The following KLHL32 variants were observed in gnomAD, a reference collection of about 807,000 sequenced individuals.
KLHL32 encodes the protein kelch-like protein 32.
A neutral mutation model predicts 64.8 loss-of-function variants in KLHL32; 35 were observed. The observed-to-expected ratio is 0.54, with a 90% confidence interval of 0.41 to 0.72. The LOEUF (loss-of-function observed/expected upper bound fraction) is 0.72. Among genes scored for constraint, KLHL32 ranks in the 30% least tolerant of loss-of-function variants. KLHL32 has a pLI of 0.00. For synonymous variants in KLHL32, 259 were observed against 281.0 expected (o/e 0.92, Z 0.78); for missense variants, 589 against 768.5 (o/e 0.77, Z 2.76).
intron 3 of KLHL32, among the ~76,000 whole-genome samples, chr6:96,985,922 G>A (rs1312138294): frequency 6.6e-6 from 1 of 152,194 alleles, no homozygotes; most frequent in Non-Finnish European, 1.5e-5. Flanking sequence ...GTGAGGAGCT[G>A]TGTCCTTTGG....
chr6:96,936,409 AT>A (rs1209240714), intron 1 of KLHL32, among the ~76,000 whole-genome samples: 1 of 152,080 alleles, frequency 6.6e-6, no homozygotes, highest in African/African-American at 2.4e-5. Flanking sequence ...ATGCTTTACA[AT>A]TTTTTTTCCT....
intron 3 of KLHL32, among the ~76,000 whole-genome samples, chr6:96,977,661 C>G (rs1315603862): frequency 6.6e-6 from 1 of 152,086 alleles, no homozygotes; most frequent in Non-Finnish European, 1.5e-5. Flanking sequence ...TTGAATATTT[C>G]TAATAATACT....
intron 5 of KLHL32, among the ~76,000 whole-genome samples, chr6:97,069,199 A>T (rs181411385): frequency 1.3e-5 from 2 of 152,128 alleles, no homozygotes; most frequent in African/African-American, 4.8e-5. Flanking sequence ...ACATAAAGGG[A>T]ACAGGAGGGA....
At chr6:97,071,865 GTCTAATGCTAATCAACACTGGACAA>G (rs1410171559) in intron 5 of KLHL32, among the ~76,000 whole-genome samples, 3 of 152,186 alleles carry the variant, frequency 2.0e-5, no homozygotes, top group African/African-American at 7.2e-5. Context: ...CCTGCCTGTA[GTCTAATGCTAATCAACACTGGACAA>G]TCTAAGTTAT....
At chr6:96,953,211 A>C (rs969341045) in intron 1 of KLHL32, among the ~76,000 whole-genome samples, 1 of 152,254 alleles carries the variant, frequency 6.6e-6, no homozygotes, top group African/African-American at 2.4e-5. Context: ...TGTTTCCAAG[A>C]ATCTATCAAT....
rs1353983342 is a variant in KLHL32, at chr6:97,113,857, C to T, written c.702C>T (p.Gly234=). 2 of 1,613,992 alleles carry T rather than the reference C, an allele frequency of 1.2e-6. No individual in the cohort carries two copies. Among genetic ancestry groups the T allele is most frequent in the African/African-American group, 1.3e-5 (1 of 74,912 alleles). The change falls in exon 7 of 11, where the codon GGC becomes GGT. Residue 234 remains glycine, a synonymous_variant. Transcript: ENST00000369261. The part of the protein sequence containing the change: ...MDELLQYIRF[G]LMDVDTLHTV... ...AGCTCCTGCAATACATCCGCTTTGG[C>T]CTAATGGATGTGGATACTCTCCATA...
chr6:97,005,640 G>T (rs1779576911), intron 3 of KLHL32, among the ~76,000 whole-genome samples: 1 of 151,984 alleles, frequency 6.6e-6, no homozygotes, highest in Non-Finnish European at 1.5e-5. Context: ...TTCTTCTTCA[G>T]TCTGCTTTAG....
intron 1 of KLHL32, among the ~76,000 whole-genome samples, chr6:96,951,922 A>C (rs1322609590): frequency 6.6e-6 from 1 of 152,164 alleles, no homozygotes; most frequent in Admixed American, 6.5e-5. Flanking sequence ...TTACAAGGTC[A>C]ATCAGAGAAA....
intron 2 of KLHL32, among the ~76,000 whole-genome samples, chr6:96,968,465 A>G (rs1249852872): frequency 1.3e-5 from 2 of 152,128 alleles, no homozygotes; most frequent in African/African-American, 4.8e-5. Flanking sequence ...CTGGCATCCA[A>G]CCAATACAGC....
chr6:97,084,411 G>A (rs1793075264), intron 5 of KLHL32, among the ~76,000 whole-genome samples: 1 of 152,022 alleles, frequency 6.6e-6, no homozygotes, highest in Non-Finnish European at 1.5e-5. Context: ...TGAGACTGCA[G>A]GTAAAATCCT....
chr6:96,929,195 A>C (rs1436371301), intron 1 of KLHL32, among the ~76,000 whole-genome samples: 1 of 152,256 alleles, frequency 6.6e-6, no homozygotes, highest in Non-Finnish European at 1.5e-5. Context: ...AGAGTCTAGC[A>C]CTGGGGATAT....
intron 3 of KLHL32, among the ~76,000 whole-genome samples, chr6:97,009,244 A>G (rs1308397380): frequency 6.6e-6 from 1 of 151,704 alleles, no homozygotes; most frequent in Non-Finnish European, 1.5e-5. Flanking sequence ...TGGTTTATAA[A>G]CCAAAATTCT....
At chr6:97,010,901 T>G (rs1780322354) in intron 3 of KLHL32, among the ~76,000 whole-genome samples, 1 of 152,198 alleles carries the variant, frequency 6.6e-6, no homozygotes, top group Non-Finnish European at 1.5e-5. Context: ...AAGTACCAAG[T>G]TTACTATTCT....
At chr6:96,919,838 C>T (rs533234683), upstream of KLHL32, among the ~76,000 whole-genome samples, 13 of 152,340 alleles carry the variant, frequency 8.5e-5, no homozygotes, top group South Asian at 2.7e-3. Context: ...CTAGCTATAA[C>T]TGATATGCCT....
At chr6:97,073,969 G>T (rs2128166038) in intron 5 of KLHL32, among the ~76,000 whole-genome samples, 1 of 152,286 alleles carries the variant, frequency 6.6e-6, no homozygotes, top group Non-Finnish European at 1.5e-5. Context: ...CCTAGGAAGT[G>T]GCTGCTTGTC....
At chr6:96,931,014 A>G (rs913006646) in intron 1 of KLHL32, among the ~76,000 whole-genome samples, 1 of 152,114 alleles carries the variant, frequency 6.6e-6, no homozygotes, top group African/African-American at 2.4e-5. Flanking sequence ...TGCAAGGTCA[A>G]TTTCTAGAGC....
chr6:97,100,625 C>T (rs971925334), intron 6 of KLHL32, among the ~76,000 whole-genome samples: 2 of 152,116 alleles, frequency 1.3e-5, no homozygotes, highest in African/African-American at 4.8e-5. Context: ...ACTTTCTGGA[C>T]ATCTAAACTC....
intron 1 of KLHL32, among the ~76,000 whole-genome samples, chr6:96,953,033 C>T (rs954764502): frequency 2.0e-5 from 3 of 152,138 alleles, no homozygotes; most frequent in African/African-American, 4.8e-5. Flanking sequence ...CCTCTGAGTT[C>T]CTGGGGAGGC....
chr6:97,129,124 A>G (rs1351895402), intron 8 of KLHL32, among the ~76,000 whole-genome samples: 1 of 152,238 alleles, frequency 6.6e-6, no homozygotes, highest in Non-Finnish European at 1.5e-5. Flanking sequence ...AAGCTTTTCA[A>G]GCTGTACAAA....
Sources: gnomAD v4.1 joint callset for allele counts (sites outside exome capture counted in the v4.1 genomes callset) on GRCh38, gnomAD v4.1.1 for gene constraint, MANE v1.5 for transcripts, NCBI Gene and HGNC (gene_info 2026-07-23, HGNC 2026-07-21) for gene names.